The following TAF4 variants were observed in gnomAD, a reference collection of about 807,000 sequenced individuals.
TAF4 encodes the protein transcription initiation factor TFIID subunit 4.
Under a neutral mutation model 90.3 loss-of-function variants are expected in TAF4, and 9 were observed. That is an observed-to-expected ratio of 0.10 (90% CI 0.06 to 0.17). The LOEUF (loss-of-function observed/expected upper bound fraction) is 0.17. TAF4 is among the 10% of genes least tolerant of loss of function. The probability of loss-of-function intolerance (pLI) is 1.00; values close to 1 mark genes in which losing one functional copy is unlikely to be tolerated. For missense variants in TAF4, 1,351 were observed against 1,370.7 expected, an observed-to-expected ratio of 0.99 and a Z score of 0.23; for synonymous variants, 818 against 638.9, an observed-to-expected ratio of 1.28 and a Z score of -4.23.
intron 3 of TAF4, 78 bp downstream of exon 3, chr20:62,012,737 A>C: frequency 7.0e-7 from 1 of 1,425,096 alleles, no homozygotes; most frequent in Non-Finnish European, 9.2e-7. Context: ...AAAAACTCCT[A>C]AGGCCTGATC....
chr20:61,985,823 G>C lies in TAF4; in HGVS notation c.3091-9488C>G, dbSNP rs1600827087. On this transcript the variant is annotated intron_variant, in intron 14 of 14. Coordinates refer to ENST00000252996, the MANE Select transcript of TAF4 (RefSeq NM_003185.4). ...TGCCCCAGTCCACCTGGAAGGCCTG[G>C]ATGCAGGGACACCCCAGGAGCAATG... Among the ~76,000 whole-genome samples the C allele has an allele frequency of 2.0e-5, 3 of 151,890 alleles. No homozygotes were observed. The South Asian group carries it at 6.2e-4, about 32-fold the overall frequency.
At chr20:61,994,268 T>C (rs1260141900) in intron 14 of TAF4, among the ~76,000 whole-genome samples, 4 of 152,254 alleles carry the variant, frequency 2.6e-5, no homozygotes, top group Non-Finnish European at 5.9e-5. Context: ...TCACAGCCAG[T>C]GGGCACTCAG....
Position 62,065,349 on chromosome 20 carries a change from G to A in TAF4, c.462C>T (p.Pro154=). ...GGCCGGCGGGCTTGGCGGGGCCGGC[G>A]GGGGCGGGCTCGGGCCCCGCGGCGA... is the stretch of plus-strand genomic sequence containing the variant. The part of the protein sequence containing the change: ...AAVAAGPEPA[P]AGPAKPAGPA... The change falls in exon 1 of 15, where the codon CCC becomes CCT. Residue 154 remains proline (P), a synonymous_variant. Coordinates refer to ENST00000252996, the MANE Select transcript of TAF4 (RefSeq NM_003185.4). 1 of 965,752 alleles carries A rather than the reference G, an allele frequency of 1.0e-6. No homozygotes were observed. The highest frequency in any genetic ancestry group is 1.2e-6 in the Non-Finnish European group (1 of 817,866). 59.8% of individuals were successfully genotyped at this position (965,752 alleles called of 1,614,324 possible). A position where few individuals can be genotyped will look rare whatever the true frequency, so the allele number is the denominator to read the frequency against.
At chr20:62,022,640 G>C (rs140547338) in intron 1 of TAF4, among the ~76,000 whole-genome samples, 2 of 152,136 alleles carry the variant, frequency 1.3e-5, no homozygotes, top group African/African-American at 4.8e-5. Flanking sequence ...CTCTCTAAGC[G>C]GGTGCTGTGC....
intron 1 of TAF4, among the ~76,000 whole-genome samples, chr20:62,056,168 C>T (rs970140579): frequency 3.9e-5 from 6 of 152,012 alleles, no homozygotes; most frequent in African/African-American, 1.2e-4. Flanking sequence ...TCCCGGGAGG[C>T]GGAGGTTGCA....
chr20:62,007,409 C>A (rs2055753073), intron 6 of TAF4, 138 bp downstream of exon 6: 1 of 747,922 alleles, frequency 1.3e-6, no homozygotes, highest in African/African-American at 1.8e-5. Context: ...CACTGAGTCC[C>A]CGGCCCCACC....
chr20:62,029,276 T>C (rs777806933), intron 1 of TAF4, among the ~76,000 whole-genome samples: 6 of 152,066 alleles, frequency 3.9e-5, no homozygotes, highest in Non-Finnish European at 7.4e-5. Flanking sequence ...TCTTTTAAGT[T>C]TGAAATTTTG....
chr20:62,047,602 A>G (rs563823394), intron 1 of TAF4, among the ~76,000 whole-genome samples: 3 of 152,286 alleles, frequency 2.0e-5, no homozygotes, highest in African/African-American at 7.2e-5. Context: ...AACAGGCCAC[A>G]CTCAGGACAG....
chr20:61,997,509 C>A, intron 14 of TAF4, 41 bp downstream of exon 14: 1 of 1,515,202 alleles, frequency 6.6e-7, no homozygotes. Context: ...AGATGTTCCC[C>A]ATGTTTCCCC....
chr20:62,028,522 C>A (rs1403524446), intron 1 of TAF4, among the ~76,000 whole-genome samples: 1 of 152,190 alleles, frequency 6.6e-6, no homozygotes, highest in East Asian at 1.9e-4. Context: ...TATGTGCGTA[C>A]GGGGCCCTGG....
intron 1 of TAF4, among the ~76,000 whole-genome samples, chr20:62,028,246 G>A (rs543313780): frequency 6.6e-6 from 1 of 152,116 alleles, no homozygotes; most frequent in Non-Finnish European, 1.5e-5. Flanking sequence ...AGGGCTTCTG[G>A]AAACTCAAAC....
chr20:62,021,041 C>A (rs1339189001), intron 1 of TAF4, among the ~76,000 whole-genome samples: 4 of 152,136 alleles, frequency 2.6e-5, no homozygotes, highest in African/African-American at 9.7e-5. Flanking sequence ...ATCCCAGCCA[C>A]AGTACGGGGA....
chr20:62,003,819 C>T lies in TAF4; in HGVS notation c.2283G>A (p.Thr761=), dbSNP rs768966378. 8.7e-6 allele frequency: 14 copies of T among 1,605,492 alleles called. No homozygotes were observed. Among genetic ancestry groups the T allele is most frequent in the South Asian group, 3.3e-5 (3 of 90,524 alleles). The part of the protein sequence containing the change: ...ALIRPPQVTL[T]QTPMVALRQP... ...GCCGCAGGGCGACCATGGGTGTCTG[C>T]GTCAACGTCACCTGCGGGGGCCGGA... The change falls in exon 8 of 15, where the codon ACG becomes ACA. Residue 761 remains threonine (T), a synonymous_variant. Transcript: ENST00000252996.
chr20:62,030,458 AAC>A (rs2055898633), intron 1 of TAF4, among the ~76,000 whole-genome samples: 1 of 152,240 alleles, frequency 6.6e-6, no homozygotes, highest in Non-Finnish European at 1.5e-5. Flanking sequence ...CCAGTCATTC[AAC>A]AGTTAATAAA....
At chr20:62,064,289 C>CG (rs2056108185) in intron 1 of TAF4, 162 bp downstream of exon 1, 2 of 801,108 alleles carry the variant, frequency 2.5e-6, no homozygotes, top group Non-Finnish European at 3.4e-6. Flanking sequence ...GACAGCCACC[C>CG]GGGCTGGCCC....
At chr20:62,042,428 G>C (rs557637382) in intron 1 of TAF4, among the ~76,000 whole-genome samples, 1 of 152,348 alleles carries the variant, frequency 6.6e-6, no homozygotes, top group Non-Finnish European at 1.5e-5. Context: ...ACAAGGACTC[G>C]GGTACCGAGA....
chr20:62,055,797 T>C (rs751489392), intron 1 of TAF4, among the ~76,000 whole-genome samples: 3 of 152,120 alleles, frequency 2.0e-5, no homozygotes, highest in Non-Finnish European at 4.4e-5. Context: ...CAATCAGACA[T>C]TCCTGCTGAT....
intron 14 of TAF4, among the ~76,000 whole-genome samples, chr20:61,977,157 C>G (rs1471046670): frequency 6.9e-6 from 1 of 145,076 alleles, no homozygotes; most frequent in Non-Finnish European, 1.5e-5. Flanking sequence ...CACACGACAC[C>G]GCCCAGCGGG....
At chr20:62,050,492 C>G (rs1212213698) in intron 1 of TAF4, among the ~76,000 whole-genome samples, 2 of 152,240 alleles carry the variant, frequency 1.3e-5, no homozygotes, top group East Asian at 1.9e-4. Context: ...CTGAGAGCAG[C>G]CCGGGGTGCT....
Sources: allele counts gnomAD v4.1 joint callset (sites outside exome capture counted in the v4.1 genomes callset), GRCh38; gene constraint gnomAD v4.1.1; transcripts MANE v1.5; gene names NCBI Gene and HGNC (gene_info 2026-07-23, HGNC 2026-07-21).